Variants in METTL24 observed in about 807,000 individuals in gnomAD.
METTL24 encodes the protein methyltransferase like 24.
METTL24 carries 29 observed loss-of-function variants against 32.7 expected under a neutral mutation model. That is an observed-to-expected ratio of 0.89 (90% CI 0.66 to 1.21). The LOEUF is 1.21. Ranked by LOEUF, METTL24 falls within the 50% of genes most tolerant of loss-of-function variation. METTL24 has a pLI of 0.00. For missense variants in METTL24, 439 were observed against 468.1 expected, an observed-to-expected ratio of 0.94 and a Z score of 0.57; for synonymous variants, 163 against 179.5, an observed-to-expected ratio of 0.91 and a Z score of 0.73.
intron 3 of METTL24, among the ~76,000 whole-genome samples, chr6:110,307,438 T>G (rs1351194375): frequency 6.6e-6 from 1 of 152,250 alleles, no homozygotes; most frequent in Non-Finnish European, 1.5e-5. Context: ...ATTTAATGTT[T>G]ATTTAATGAG....
chr6:110,299,089 G>A lies in METTL24; in HGVS notation c.619C>T (p.Arg207Cys), dbSNP rs759353340. ...GCTGACTTGACACTAGGATCAAAACGATGCACTTCACATCCGTTGTTGGCC... is the reference window on the plus strand; with the variant it reads ...GCTGACTTGACACTAGGATCAAAACAATGCACTTCACATCCGTTGTTGGCC... Reference protein sequence around the residue: ...SMANNGCEVHRFDPSVKSAHI... With the variant: ...SMANNGCEVHCFDPSVKSAHI... Residue 207 changes from arginine to cysteine, a missense_variant, in exon 4 of 5, where the codon CGT becomes TGT. Coordinates refer to ENST00000338882, the MANE Select transcript of METTL24 (RefSeq NM_001123364.3). 8 of 1,614,138 alleles carry A rather than the reference G, an allele frequency of 5.0e-6. No homozygotes were observed. The Admixed American group carries it at 6.7e-5, about 13-fold the overall frequency.
At chr6:110,315,597 C>A in intron 2 of METTL24, 116 bp from the exon 3 acceptor site, 1 of 1,072,438 alleles carries the variant, frequency 9.3e-7, no homozygotes, top group Non-Finnish European at 1.4e-6. Context: ...TAATCTCCTC[C>A]ACTGCTAACA....
chr6:110,269,808 A>G (rs1487368716), intron 4 of METTL24, among the ~76,000 whole-genome samples: 2 of 152,190 alleles, frequency 1.3e-5, no homozygotes, highest in African/African-American at 4.8e-5. Flanking sequence ...TGATGTTAAA[A>G]GCCTCATTTG....
At chr6:110,309,862 C>CAAAAAA (rs11408319) in intron 3 of METTL24, among the ~76,000 whole-genome samples, 6 of 147,950 alleles carry the variant, frequency 4.1e-5, no homozygotes, top group African/African-American at 1.5e-4. Context: ...TTCTTAGGAG[C>CAAAAAA]AAAAAAAACA....
chr6:110,270,201 T>A (rs1430174031), intron 4 of METTL24, among the ~76,000 whole-genome samples: 1 of 152,182 alleles, frequency 6.6e-6, no homozygotes, highest in African/African-American at 2.4e-5. Context: ...CCAGGGACTG[T>A]GTCATCTTAC....
At chr6:110,341,593 G>A (rs1054808889) in intron 1 of METTL24, among the ~76,000 whole-genome samples, 9 of 151,944 alleles carry the variant, frequency 5.9e-5, no homozygotes, top group South Asian at 2.1e-4. Context: ...AGATATATTC[G>A]TTCATTTGGA....
chr6:110,357,022 G>A (rs1381493439), intron 1 of METTL24, among the ~76,000 whole-genome samples: 1 of 152,208 alleles, frequency 6.6e-6, no homozygotes, highest in African/African-American at 2.4e-5. Flanking sequence ...CCGGTGATGG[G>A]AAGCGGGGTG....
chr6:110,355,589 G>C (rs1772684866), intron 1 of METTL24, among the ~76,000 whole-genome samples: 1 of 152,038 alleles, frequency 6.6e-6, no homozygotes, highest in African/African-American at 2.4e-5. Context: ...ACTGCCATTT[G>C]TACTTGGATG....
At chr6:110,318,494 A>AT (rs1304376644) in intron 2 of METTL24, among the ~76,000 whole-genome samples, 1 of 151,966 alleles carries the variant, frequency 6.6e-6, no homozygotes, top group African/African-American at 2.4e-5. Context: ...CTAAAAAAAA[A>AT]CATACAAAAG....
At chr6:110,333,215 C>G (rs9487383) in intron 1 of METTL24, among the ~76,000 whole-genome samples, 10,255 of 152,138 alleles carry the variant, frequency 0.067, 1,154 homozygotes, top group African/African-American at 0.23. Context: ...TCAGTGTATT[C>G]AGGAGGAAGG....
At chr6:110,278,706 T>G (rs542421458) in intron 4 of METTL24, among the ~76,000 whole-genome samples, 61 of 152,148 alleles carry the variant, frequency 4.0e-4, no homozygotes, top group Non-Finnish European at 7.6e-4. Context: ...GAGAACAGAT[T>G]CATATAGGAA....
At chr6:110,258,823 A>C (rs1310905021) in intron 4 of METTL24, among the ~76,000 whole-genome samples, 2 of 145,328 alleles carry the variant, frequency 1.4e-5, no homozygotes, top group Non-Finnish European at 3.0e-5. Context: ...CACACACACA[A>C]CAAAACAAAA....
intron 3 of METTL24, among the ~76,000 whole-genome samples, chr6:110,315,002 T>TTG (rs1771792441): frequency 6.6e-6 from 1 of 151,858 alleles, no homozygotes; most frequent in African/African-American, 2.4e-5. Context: ...TTTTTTTTTT[T>TTG]GCTGCACGCA....
chr6:110,339,417 T>G (rs763626095), intron 1 of METTL24, among the ~76,000 whole-genome samples: 2 of 152,196 alleles, frequency 1.3e-5, no homozygotes, highest in Non-Finnish European at 2.9e-5. Context: ...AAAAAACAAG[T>G]CAATAAAGGC....
intron 4 of METTL24, among the ~76,000 whole-genome samples, chr6:110,298,551 ATT>A (rs60310452): frequency 1.3e-5 from 2 of 148,356 alleles, no homozygotes; most frequent in African/African-American, 4.9e-5. Context: ...CATAACCCCG[ATT>A]TTTTTTTTTG....
At chr6:110,336,015 A>C (rs1772219766) in intron 1 of METTL24, among the ~76,000 whole-genome samples, 2 of 152,228 alleles carry the variant, frequency 1.3e-5, no homozygotes, top group South Asian at 4.1e-4. Flanking sequence ...TAAAAACCAA[A>C]ATGGCTGTCT....
At chr6:110,297,787 G>A (rs73763013) in intron 4 of METTL24, among the ~76,000 whole-genome samples, 1 of 152,114 alleles carries the variant, frequency 6.6e-6, no homozygotes, top group Non-Finnish European at 1.5e-5. Flanking sequence ...TCTCACTAAG[G>A]CTCCTGACTA....
intron 3 of METTL24, among the ~76,000 whole-genome samples, chr6:110,311,653 T>C (rs1316960238): frequency 6.6e-6 from 1 of 151,940 alleles, no homozygotes; most frequent in Non-Finnish European, 1.5e-5. Flanking sequence ...TTTGTATTTT[T>C]AGTAGAAACA....
rs1371639224 is a variant in METTL24 at position 110,288,391 on chromosome 6, A to G, written c.786+10531T>C. On this transcript the variant is annotated intron_variant, in intron 4 of 4. Transcript: ENST00000338882. ...CATTCCCAAGGTGGTTCACATATACATTACATTTGAGAAATAATGGTGTTG... is the reference window on the plus strand; with the variant it reads ...CATTCCCAAGGTGGTTCACATATACGTTACATTTGAGAAATAATGGTGTTG... Among the ~76,000 whole-genome samples, 6 of 152,284 alleles carry G rather than the reference A, an allele frequency of 3.9e-5. No individual in the cohort carries two copies. The South Asian group carries it at 1.0e-3, about 26-fold the overall frequency.
Sources: allele counts gnomAD v4.1 joint callset (sites outside exome capture counted in the v4.1 genomes callset), GRCh38; gene constraint gnomAD v4.1.1; transcripts MANE v1.5; gene names NCBI Gene and HGNC (gene_info 2026-07-23, HGNC 2026-07-21).